The following GON4L variants were observed in gnomAD, a reference collection of about 807,000 sequenced individuals.
GON4L encodes GON-4-like protein.
GON4L carries 87 observed loss-of-function variants against 211.8 expected under a neutral mutation model. That is an observed-to-expected ratio of 0.41 (90% CI 0.35 to 0.49). The LOEUF (loss-of-function observed/expected upper bound fraction) is 0.49. GON4L is among the 20% of genes least tolerant of loss of function. The pLI is 0.15. For missense variants in GON4L, 2,155 were observed against 2,659.5 expected (o/e 0.81, Z 4.17); for synonymous variants, 875 against 962.6 (o/e 0.91, Z 1.68).
intron 14 of GON4L, among the ~76,000 whole-genome samples, chr1:155,783,686 T>C (rs1664642263): frequency 6.6e-6 from 1 of 152,232 alleles, no homozygotes; most frequent in African/African-American, 2.4e-5. Context: ...TGGGGTAGTT[T>C]GTGTGGCTGG....
At chr1:155,814,487 C>T (rs1668058741) in intron 8 of GON4L, 38 bp from the exon 9 acceptor site, 1 of 1,603,722 alleles carries the variant, frequency 6.2e-7, no homozygotes, top group South Asian at 1.1e-5. Flanking sequence ...TATTTATGCC[C>T]CTACCTCATT....
intron 2 of GON4L, among the ~76,000 whole-genome samples, chr1:155,842,267 G>C (rs1055388957): frequency 2.0e-5 from 3 of 152,064 alleles, no homozygotes; most frequent in African/African-American, 7.2e-5. Flanking sequence ...GCTCACGCCT[G>C]TAATCCCAGC....
At chr1:155,786,539 AAG>A (rs1664961551) in intron 12 of GON4L, among the ~76,000 whole-genome samples, 3 of 152,008 alleles carry the variant, frequency 2.0e-5, no homozygotes, top group Admixed American at 6.6e-5. Context: ...TTAAAAAAAA[AAG>A]AGAGAGAGAA....
At chr1:155,749,089 C>G (rs1023938230), downstream of GON4L, among the ~76,000 whole-genome samples, 1 of 151,948 alleles carries the variant, frequency 6.6e-6, no homozygotes, top group African/African-American at 2.4e-5. Flanking sequence ...CCCATCTCTA[C>G]TAAAAACATA....
chr1:155,775,737 G>A (rs1663742307), intron 16 of GON4L, among the ~76,000 whole-genome samples: 2 of 151,954 alleles, frequency 1.3e-5, no homozygotes, highest in African/African-American at 4.8e-5. Flanking sequence ...GAGATTACAG[G>A]CACAAGTCAC....
chr1:155,833,357 AAAGG>A (rs1669970940), intron 2 of GON4L, among the ~76,000 whole-genome samples: 2 of 151,968 alleles, frequency 1.3e-5, no homozygotes. Context: ...CACTGCAAAA[AAAGG>A]AAGGAAGGCC....
In GON4L at chr1:155,766,100, C is replaced by G; in HGVS notation, c.3373G>C (p.Val1125Leu). Reference protein sequence around the residue: ...VRRRPSKRRGVKASPCMKPAP... With the variant: ...VRRRPSKRRGLKASPCMKPAP... ...GGTTTCATACAGGGAGAGGCCTTGACTCCTCTTCTCTTTGAGGGTCTCCGT... is the reference window on the plus strand; with the variant it reads ...GGTTTCATACAGGGAGAGGCCTTGAGTCCTCTTCTCTTTGAGGGTCTCCGT... The change falls in exon 21 of 32, where the codon GTC becomes CTC. Residue 1125 changes from valine to leucine, a missense_variant. Val to Leu is a conservative substitution (Grantham distance 32, BLOSUM62 1). Transcript: ENST00000368331. 1 of 1,614,178 alleles carries G rather than the reference C, an allele frequency of 6.2e-7. No homozygotes were observed. The highest frequency in any genetic ancestry group is 1.1e-5 in the South Asian group (1 of 91,080).
At chr1:155,798,987 C>G (rs1666367961) in intron 11 of GON4L, among the ~76,000 whole-genome samples, 1 of 152,108 alleles carries the variant, frequency 6.6e-6, no homozygotes, top group Non-Finnish European at 1.5e-5. Flanking sequence ...AGCTTAATCA[C>G]TTTTTTGACT....
chr1:155,798,846 C>T (rs1260768053), intron 11 of GON4L, among the ~76,000 whole-genome samples: 3 of 152,104 alleles, frequency 2.0e-5, no homozygotes, highest in African/African-American at 7.2e-5. Flanking sequence ...GTTCTGCCCA[C>T]ACCACACAAA....
chr1:155,814,464 C>T lies in GON4L; in HGVS notation c.1162-15G>A. On this transcript the variant is annotated splice_polypyrimidine_tract_variant and intron_variant, in intron 8 of 31. Transcript: ENST00000368331. ...TCCAATAAGCTCTACAAAATAAATC[C>T]AGTTCGCCTTAATATTTATGCCCCT... 1.2e-6 allele frequency: 2 copies of T among 1,612,936 alleles called. No homozygotes were observed. Among genetic ancestry groups the T allele is most frequent in the Non-Finnish European group, 1.7e-6 (2 of 1,179,192 alleles).
In GON4L at chr1:155,770,977, G is replaced by A; in HGVS notation, c.2646+90C>T. The stretch of plus-strand genomic sequence containing the variant: ...TGGGAGAAATTAGCTTTAGATAAAA[G>A]AAGGTTCCTCTTTTCTTTGAGAATA... On this transcript the variant is annotated intron_variant, in intron 19 of 31. Coordinates refer to ENST00000368331, the MANE Select transcript of GON4L (RefSeq NM_001282860.2). The A allele has an allele frequency of 1.1e-5, 17 of 1,569,728 alleles. No homozygotes were observed. In the Admixed American group the frequency reaches 2.2e-4, roughly 20 times the overall value.
intron 28 of GON4L, 106 bp downstream of exon 28, chr1:155,754,269 T>G (rs1291876758): frequency 3.1e-5 from 24 of 779,742 alleles, no homozygotes. Context: ...ATACTGAATG[T>G]TATTTATATA....
intron 6 of GON4L, among the ~76,000 whole-genome samples, chr1:155,816,775 A>T (rs1253775483): frequency 4.1e-5 from 6 of 147,704 alleles, no homozygotes; most frequent in Non-Finnish European, 9.0e-5. Context: ...TTTTTTCTTA[A>T]AAAAAAAAAA....
Position 155,766,286 on chromosome 1 carries a change from C to A in GON4L, c.3187G>T (p.Gly1063Cys). Residue 1063 changes from glycine to cysteine, a missense_variant, in exon 21 of 32, where the codon GGT (glycine) becomes TGT (cysteine). Physicochemically the swap from Gly to Cys is radical, Grantham distance 159. Coordinates refer to ENST00000368331, the MANE Select transcript of GON4L (RefSeq NM_001282860.2). ...PGVPPLGVSG[G>C]ESFESPAALP... The stretch of plus-strand genomic sequence containing the variant: ...GCTGCAGGAGACTCAAAACTCTCAC[C>A]TCCACTGACCCCCAGTGGAGGGACA... 1.2e-6 allele frequency: 2 copies of A among 1,614,152 alleles called. No individual in the cohort carries two copies. Among genetic ancestry groups the A allele is most frequent in the Non-Finnish European group, 1.7e-6 (2 of 1,180,024 alleles).
At chr1:155,836,257 T>G (rs866962159) in intron 2 of GON4L, among the ~76,000 whole-genome samples, 3 of 150,318 alleles carry the variant, frequency 2.0e-5, no homozygotes, top group East Asian at 1.9e-4. Flanking sequence ...TCGTTTTTTT[T>G]TTTTTTTTTT....
Position 155,755,917 on chromosome 1 carries a change from C to A in GON4L, c.5517+1041G>T, listed in dbSNP as rs114530190. Among the ~76,000 whole-genome samples, 709 of 151,296 alleles carry A rather than the reference C, an allele frequency of 4.7e-3. 4 individuals carry two copies. The highest frequency in any genetic ancestry group is 0.017 in the African/African-American group (695 of 41,088). On this transcript the variant is annotated intron_variant, in intron 27 of 31. Coordinates refer to ENST00000368331, the MANE Select transcript of GON4L (RefSeq NM_001282860.2). ...AAATACGTTTCCCAAGGTCATACAG[C>A]TACTAAGAAGCAGTTTCTCCCCAGA...
At chr1:155,804,687 G>A (rs1440478667) in intron 11 of GON4L, among the ~76,000 whole-genome samples, 2 of 151,810 alleles carry the variant, frequency 1.3e-5, no homozygotes, top group African/African-American at 4.8e-5. Context: ...GTGGGATAAG[G>A]GGTAGGATTG....
Position 155,826,821 on chromosome 1 carries a change from GA to G in GON4L, c.697+15del. 6.4e-7 allele frequency: 1 copy of G among 1,559,188 alleles called. No homozygotes were observed. The highest frequency in any genetic ancestry group is 8.8e-7 in the Non-Finnish European group (1 of 1,131,312). ...TAAAGAGGTTTCATTTAATTAAAAA[GA>G]AAAAGAAAGCCTACCCATTGGAATG... On this transcript the variant is annotated intron_variant, in intron 3 of 31. Coordinates refer to ENST00000368331, the MANE Select transcript of GON4L (RefSeq NM_001282860.2).
At chr1:155,789,697 G>A (rs1011040932) in intron 12 of GON4L, among the ~76,000 whole-genome samples, 3 of 151,992 alleles carry the variant, frequency 2.0e-5, no homozygotes, top group African/African-American at 7.2e-5. Context: ...ACAGGGAGAT[G>A]GACAGCTGCA....
Sources: allele counts gnomAD v4.1 joint callset (sites outside exome capture counted in the v4.1 genomes callset), GRCh38; gene constraint gnomAD v4.1.1; transcripts MANE v1.5; gene names NCBI Gene and HGNC (gene_info 2026-07-23, HGNC 2026-07-21).